Variants in SMARCD2 observed in about 807,000 individuals in gnomAD.
SMARCD2 encodes the protein SWI/SNF related BAF chromatin remodeling complex subunit D2.
Under a neutral mutation model 70.4 loss-of-function variants are expected in SMARCD2, and 39 were observed. The ratio of observed to expected loss-of-function variants is 0.55; its 90% CI spans 0.43 to 0.72. The LOEUF is 0.72. Ranked by LOEUF, SMARCD2 falls within the 30% of genes least tolerant of loss-of-function variation. The pLI, the probability that SMARCD2 is intolerant of heterozygous loss-of-function variation, is 0.00. For synonymous variants in SMARCD2, 249 were observed against 279.4 expected, an observed-to-expected ratio of 0.89 and a Z score of 1.08; for missense variants, 540 against 713.4, an observed-to-expected ratio of 0.76 and a Z score of 2.77.
chr17:63,838,530 A>C, intron 1 of SMARCD2: 1 of 1,213,850 alleles, frequency 8.2e-7, no homozygotes, highest in Non-Finnish European at 1.1e-6. Flanking sequence ...CTGGGAGGCA[A>C]GGATAGAGGC....
rs989503150 is a variant in SMARCD2 at position 63,837,941 on chromosome 17, C to T, written c.217-316G>A. On this transcript the variant is annotated intron_variant, in intron 1 of 12. Coordinates refer to ENST00000448276, the MANE Select transcript of SMARCD2 (RefSeq NM_001098426.2). The surrounding 1 kb of genome is among the most constrained non-coding windows in gnomAD (Gnocchi z 6.4). ...AGGGCCCATTGCTACCTTCCAGCCC[C>T]AGCATGCTGTGCCCTATTCCCTGGG... 1.3e-5 allele frequency among the ~76,000 whole-genome samples: 2 copies of T among 152,156 alleles called. No homozygotes were observed. Among genetic ancestry groups the T allele is most frequent in the African/African-American group, 4.8e-5 (2 of 41,422 alleles).
In SMARCD2 at chr17:63,842,481, G is replaced by T; in HGVS notation, c.194C>A (p.Ala65Glu). The change falls in exon 1 of 13, where the codon GCG becomes GAG. Residue 65 changes from alanine to glutamate, a missense_variant. Coordinates refer to ENST00000448276, the MANE Select transcript of SMARCD2 (RefSeq NM_001098426.2). ...CACCTGGTACTGCGCCGCGGGGCCC[G>T]CGGGGCCCATGGGGCGGAAGGCGGC... is the stretch of plus-strand genomic sequence containing the variant. ...GAAAFRPMGP[A>E]GPAAQYQRPG... 1.6e-6 allele frequency: 2 copies of T among 1,251,894 alleles called. No homozygotes were observed. Among genetic ancestry groups the T allele is most frequent in the Non-Finnish European group, 2.0e-6 (2 of 1,001,258 alleles). 77.5% of individuals were successfully genotyped at this position (1,251,894 alleles called of 1,614,324 possible).
At position 63,832,859 on chromosome 17, in the gene SMARCD2, C is replaced by G; in HGVS notation, c.*79G>C. 1 of 1,230,880 alleles carries G rather than the reference C, an allele frequency of 8.1e-7. No individual in the cohort carries two copies. Among genetic ancestry groups the G allele is most frequent in the South Asian group, 1.3e-5 (1 of 77,552 alleles). The allele number at this position is 1,230,880 out of a possible 1,614,324, so 76.2% of individuals were successfully genotyped here. On this transcript the variant is annotated 3_prime_UTR_variant, in exon 13 of 13. Coordinates refer to ENST00000448276, the MANE Select transcript of SMARCD2 (RefSeq NM_001098426.2). Reference sequence around the variant, plus strand: ...AGCAGACACTCCTCACCCCAGCCTACGTGTCTGCGGCCCCAGCAAGGACCC... The same window carrying G: ...AGCAGACACTCCTCACCCCAGCCTAGGTGTCTGCGGCCCCAGCAAGGACCC...
At position 63,837,316 on chromosome 17, in the gene SMARCD2, C is replaced by CA; in HGVS notation, c.402-80dup. 6.5e-7 allele frequency: 1 copy of CA among 1,541,688 alleles called. No homozygotes were observed. The highest frequency in any genetic ancestry group is 9.0e-7 in the Non-Finnish European group (1 of 1,114,340). ...ACTCCCATAACGCCCCTCCAGTCTC[C>CA]AGGACCCTCTCCCCCAGGAGAGCCT... On this transcript the variant is annotated intron_variant, in intron 2 of 12. Coordinates refer to ENST00000448276, the MANE Select transcript of SMARCD2 (RefSeq NM_001098426.2). The surrounding 1 kb of genome is among the most constrained non-coding windows in gnomAD (Gnocchi z 6.4).
intron 1 of SMARCD2, 69 bp downstream of exon 1, chr17:63,842,390 C>G: frequency 7.9e-7 from 1 of 1,272,784 alleles, no homozygotes; most frequent in Non-Finnish European, 9.9e-7. Context: ...CTCGAGGCCC[C>G]TTCAGCCGCC....
chr17:63,835,339 T>A (rs1232360089), intron 5 of SMARCD2, 73 bp downstream of exon 5: 3 of 1,490,750 alleles, frequency 2.0e-6, no homozygotes, highest in Non-Finnish European at 2.7e-6. Flanking sequence ...CTCAGGCTAG[T>A]ATCAAACTCC....
In SMARCD2 at chr17:63,834,359, G is replaced by C. The variant is rs372687043; in HGVS notation, c.922-31C>G. 1 of 1,601,318 alleles carries C rather than the reference G, an allele frequency of 6.2e-7. No individual in the cohort carries two copies. The highest frequency in any genetic ancestry group is 8.5e-7 in the Non-Finnish European group (1 of 1,170,190). On this transcript the variant is annotated intron_variant, in intron 7 of 12. Coordinates refer to ENST00000448276, the MANE Select transcript of SMARCD2 (RefSeq NM_001098426.2). This position sits in a 1 kb window ranked among gnomAD's most constrained non-coding sequence, Gnocchi z 5.6. Reference sequence around the variant, plus strand: ...GTTGGATGGAGGGGAGTCAGAACGGGTTCTTATAGTAGAACAGTGGGAAAA... The same window carrying C: ...GTTGGATGGAGGGGAGTCAGAACGGCTTCTTATAGTAGAACAGTGGGAAAA...
In SMARCD2 at chr17:63,832,889, G is replaced by A. The variant is rs1332414339; in HGVS notation, c.*49C>T. 3 of 1,520,122 alleles carry A rather than the reference G, an allele frequency of 2.0e-6. No homozygotes were observed. Among genetic ancestry groups the A allele is most frequent in the Non-Finnish European group, 2.7e-6 (3 of 1,119,862 alleles). 94.2% of individuals were successfully genotyped at this position (1,520,122 alleles called of 1,614,324 possible). A position where few individuals can be genotyped will look rare whatever the true frequency, so the allele number is the denominator to read the frequency against. The stretch of plus-strand genomic sequence containing the variant: ...CTGCGGCCCCAGCAAGGACCCAGAG[G>A]GTGGTCTCCCTCCAGGCTCCAGGGC... On this transcript the variant is annotated 3_prime_UTR_variant, in exon 13 of 13. Coordinates refer to ENST00000448276, the MANE Select transcript of SMARCD2 (RefSeq NM_001098426.2).
rs750615020 is a variant in SMARCD2, at chr17:63,832,966, TC to T, written c.1567del (p.Glu523AsnfsTer8). 1.3e-6 allele frequency: 2 copies of T among 1,579,768 alleles called. No homozygotes were observed. The highest frequency in any genetic ancestry group is 3.6e-5 in the Admixed American group (2 of 55,366). ...AKVQQRRQEL[E>X]QVLGIRLT is the part of the protein sequence containing the mutation. ...GGTCAGGCGAATTCCCAGCACCTGT[TC>T]CAGTTCCTGCCTTCGCTGCTGCACC... On this transcript the variant is annotated frameshift_variant, in exon 13 of 13. Coordinates refer to ENST00000448276, the MANE Select transcript of SMARCD2 (RefSeq NM_001098426.2). LOFTEE classifies it high-confidence loss of function.
At chr17:63,840,834 C>A (rs1038011181) in intron 1 of SMARCD2, among the ~76,000 whole-genome samples, 1 of 152,240 alleles carries the variant, frequency 6.6e-6, no homozygotes, top group African/African-American at 2.4e-5. Flanking sequence ...GACTCAGGGC[C>A]ATCTCCTACT....
At chr17:63,838,469 G>A in intron 1 of SMARCD2, 1 of 726,104 alleles carries the variant, frequency 1.4e-6, no homozygotes. Context: ...ACTGGCTCTG[G>A]CTCCGTGTAG....
Position 63,838,776 on chromosome 17 carries a change from C to T in SMARCD2, c.217-1151G>A, listed in dbSNP as rs114076767. 116 of 1,270,558 alleles carry T rather than the reference C, an allele frequency of 9.1e-5. No homozygotes were observed. The African/African-American group carries it at 1.6e-3, about 17-fold the overall frequency. The allele number at this position is 1,270,558 out of a possible 1,614,324, so 78.7% of individuals were successfully genotyped here. Reference sequence around the variant, plus strand: ...TGGCCCCAGGGCCCAGATTATGCAACGAGCACAACCAGCCAACCAAGCCCG... The same window carrying T: ...TGGCCCCAGGGCCCAGATTATGCAATGAGCACAACCAGCCAACCAAGCCCG... On this transcript the variant is annotated intron_variant, in intron 1 of 12. Coordinates refer to ENST00000448276, the MANE Select transcript of SMARCD2 (RefSeq NM_001098426.2).
At position 63,837,699 on chromosome 17, in the gene SMARCD2, A is replaced by G. The variant is rs549959984; in HGVS notation, c.217-74T>C. 6.7e-5 allele frequency: 85 copies of G among 1,274,572 alleles called. No individual in the cohort carries two copies. In the East Asian group the frequency reaches 2.1e-3, roughly 31 times the overall value. 79.0% of individuals were successfully genotyped at this position (1,274,572 alleles called of 1,614,324 possible). On this transcript the variant is annotated intron_variant, in intron 1 of 12. Transcript: ENST00000448276. The surrounding 1 kb of genome is among the most constrained non-coding windows in gnomAD (Gnocchi z 6.4). The stretch of plus-strand genomic sequence containing the variant: ...CCGGGACCCATAGCCCATGCCCTCC[A>G]TCCCTCTCGTCAGCCAGGTAGGGCC...
At chr17:63,838,066 G>C (rs1280689271) in intron 1 of SMARCD2, among the ~76,000 whole-genome samples, 1 of 152,290 alleles carries the variant, frequency 6.6e-6, no homozygotes, top group African/African-American at 2.4e-5. Context: ...CACAGGGGCA[G>C]TGTCACTGCC....
intron 5 of SMARCD2, chr17:63,835,054 C>A: frequency 1.8e-6 from 1 of 550,434 alleles, no homozygotes; most frequent in Non-Finnish European, 3.2e-6. Flanking sequence ...CACAAATCAA[C>A]CTCCAACGGG....
rs201339780 is a variant in SMARCD2 at position 63,833,710 on chromosome 17, G to C, written c.1194C>G (p.Asn398Lys). Residue 398 changes from asparagine (N) to lysine (K), a missense_variant, in exon 10 of 13, where the codon AAC becomes AAG. Transcript: ENST00000448276. This position sits in a 1 kb window ranked among gnomAD's most constrained non-coding sequence, Gnocchi z 4.3. ...VINHVISVDPNDQKKTACYDI... is the reference protein window; with the variant it reads ...VINHVISVDPKDQKKTACYDI... ...CGTAACAGGCTGTCTTCTTCTGGTC[G>C]TTAGGGTCGACACTGCAGGCAGCAC... The C allele has an allele frequency of 2.5e-6, 4 of 1,613,866 alleles. No individual in the cohort carries two copies. Among genetic ancestry groups the C allele is most frequent in the Non-Finnish European group, 3.4e-6 (4 of 1,179,896 alleles).
chr17:63,834,401 AG>A lies in SMARCD2; in HGVS notation c.921+72del. 1 of 1,569,916 alleles carries A rather than the reference AG, an allele frequency of 6.4e-7. No individual in the cohort carries two copies. The highest frequency in any genetic ancestry group is 8.7e-7 in the Non-Finnish European group (1 of 1,149,354). The stretch of plus-strand genomic sequence containing the variant: ...GTGGGAAAATAGGGCAGGGACAGGA[AG>A]GGTTTCTAGGAACCAGCTCCCCTCC... On this transcript the variant is annotated intron_variant, in intron 7 of 12. Transcript: ENST00000448276. The surrounding 1 kb of genome is among the most constrained non-coding windows in gnomAD (Gnocchi z 5.6).
rs1231324144 is a variant in SMARCD2, at chr17:63,842,312, C to T, written c.216+147G>A. ...CCCACTTCTCCACCGCGACCCGCCG[C>T]AGCCCGAGGGTCCCGGCCCGCCCTC... is the stretch of plus-strand genomic sequence containing the variant. On this transcript the variant is annotated intron_variant, in intron 1 of 12. Transcript: ENST00000448276. 8 of 1,145,748 alleles carry T rather than the reference C, an allele frequency of 7.0e-6. No individual in the cohort carries two copies. The African/African-American group carries it at 1.2e-4, about 16-fold the overall frequency. 71.0% of individuals were successfully genotyped at this position (1,145,748 alleles called of 1,614,324 possible).
At position 63,833,736 on chromosome 17, in the gene SMARCD2, A is replaced by G. The variant is rs775655831; in HGVS notation, c.1182-14T>C. ...TTAGGGTCGACACTGCAGGCAGCACATGGGGAGGGAAGGCACATAGCTGAC... is the reference window on the plus strand; with the variant it reads ...TTAGGGTCGACACTGCAGGCAGCACGTGGGGAGGGAAGGCACATAGCTGAC... On this transcript the variant is annotated splice_polypyrimidine_tract_variant and intron_variant, in intron 9 of 12. Coordinates refer to ENST00000448276, the MANE Select transcript of SMARCD2 (RefSeq NM_001098426.2). This position sits in a 1 kb window ranked among gnomAD's most constrained non-coding sequence, Gnocchi z 4.3. The G allele has an allele frequency of 2.5e-6, 4 of 1,613,990 alleles. No individual in the cohort carries two copies. The Admixed American group carries it at 5.0e-5, about 20-fold the overall frequency.
Sources: allele counts gnomAD v4.1 joint callset (sites outside exome capture counted in the v4.1 genomes callset), GRCh38; gene constraint gnomAD v4.1.1; non-coding constraint Gnocchi (gnomAD v3.1); transcripts MANE v1.5; gene names NCBI Gene and HGNC (gene_info 2026-07-23, HGNC 2026-07-21).